The following TNNI3K variants were observed in gnomAD, a reference collection of about 807,000 sequenced individuals.
TNNI3K encodes the protein TNNI3 interacting kinase, also known as serine/threonine-protein kinase TNNI3K.
In TNNI3K, 140 loss-of-function variants were observed where a neutral mutation model predicts 114.5. The observed-to-expected ratio is 1.22, with a 90% CI of 1.07 to 1.41. The LOEUF is 1.41. Ranked by LOEUF, TNNI3K falls within the 40% of genes most tolerant of loss-of-function variation. TNNI3K has a pLI of 0.00. For synonymous variants in TNNI3K, 347 were observed against 347.5 expected, an observed-to-expected ratio of 1.00 and a Z score of 0.02; for missense variants, 1,125 against 1,007.6, an observed-to-expected ratio of 1.12 and a Z score of -1.58.
intron 20 of TNNI3K, among the ~76,000 whole-genome samples, chr1:74,456,400 A>T (rs1333911051): frequency 1.3e-5 from 2 of 152,166 alleles, no homozygotes; most frequent in Non-Finnish European, 2.9e-5. Flanking sequence ...CAAGATGAAA[A>T]ATAAGCAGGC....
chr1:74,350,081 T>A (rs1012600676), intron 9 of TNNI3K, among the ~76,000 whole-genome samples: 1 of 152,226 alleles, frequency 6.6e-6, no homozygotes, highest in African/African-American at 2.4e-5. Flanking sequence ...CAATTTTAGA[T>A]CTTTCCTGCT....
intron 2 of TNNI3K, chr1:74,239,831 T>C (rs1654075522): frequency 2.4e-6 from 1 of 421,262 alleles, no homozygotes; most frequent in South Asian, 1.8e-5. Flanking sequence ...TTATCCTGCT[T>C]ATGCCAATTT....
rs1418921063 is a variant in TNNI3K at position 74,278,157 on chromosome 1, TAG to T, written c.444+6456_444+6457del. Reference sequence around the variant, plus strand: ...TCTCTCTCTCTTATTTTTAATTTTTTAGAGAGAGGGTAGTCATGAGTTTTTTA... The same window carrying T: ...TCTCTCTCTCTTATTTTTAATTTTTTAGAGAGGGTAGTCATGAGTTTTTTA... On this transcript the variant is annotated intron_variant, in intron 5 of 24. Coordinates refer to ENST00000326637, the MANE Select transcript of TNNI3K (RefSeq NM_015978.3). 2.0e-5 allele frequency among the ~76,000 whole-genome samples: 3 copies of T among 152,192 alleles called. No homozygotes were observed. In the East Asian group the frequency reaches 5.8e-4, roughly 29 times the overall value.
chr1:74,283,514 G>A (rs1657140400), intron 5 of TNNI3K, among the ~76,000 whole-genome samples: 2 of 152,092 alleles, frequency 1.3e-5, no homozygotes, highest in Admixed American at 1.3e-4. Flanking sequence ...TTGCTTTCAG[G>A]GTGAGGTAGA....
At chr1:74,413,658 C>A (rs945436279) in intron 17 of TNNI3K, among the ~76,000 whole-genome samples, 1 of 152,138 alleles carries the variant, frequency 6.6e-6, no homozygotes, top group Non-Finnish European at 1.5e-5. Context: ...GTATAAAGAA[C>A]GTTGCATACT....
intron 5 of TNNI3K, among the ~76,000 whole-genome samples, chr1:74,320,307 A>G (rs11210449): frequency 0.59 from 90,381 of 152,000 alleles, 30,416 homozygotes; most frequent in East Asian, 0.82. Flanking sequence ...TCCATAATCC[A>G]TTTCTGTATC....
At chr1:74,372,010 T>G (rs1350377805) in intron 17 of TNNI3K, 3 of 150,754 alleles carry the variant, frequency 2.0e-5, no homozygotes, top group Non-Finnish European at 4.4e-5. Context: ...GCTCAAAGCT[T>G]GAGGATCATT....
chr1:74,458,832 C>T (rs1422312740), intron 20 of TNNI3K, among the ~76,000 whole-genome samples: 2 of 152,198 alleles, frequency 1.3e-5, no homozygotes, highest in East Asian at 3.9e-4. Flanking sequence ...TTGTGATGCT[C>T]AGGTTTGGGT....
At chr1:74,326,888 C>T (rs1420327940) in intron 5 of TNNI3K, among the ~76,000 whole-genome samples, 1 of 151,972 alleles carries the variant, frequency 6.6e-6, no homozygotes, top group Non-Finnish European at 1.5e-5. Flanking sequence ...CTAGACCATC[C>T]TTGCCAACAT....
Position 74,353,361 on chromosome 1 carries a change from G to A in TNNI3K, c.1027+1G>A, listed in dbSNP as rs1352657378. Reference sequence around the variant, plus strand: ...CACCAAGGAAGGGATGGGCACACTGGTAAGACTGTGGTGAAAACACCACTA... The same window carrying A: ...CACCAAGGAAGGGATGGGCACACTGATAAGACTGTGGTGAAAACACCACTA... On this transcript the variant is annotated splice_donor_variant, in intron 10 of 24. Coordinates refer to ENST00000326637, the MANE Select transcript of TNNI3K (RefSeq NM_015978.3). LOFTEE classifies it high-confidence loss of function. The A allele has an allele frequency of 6.2e-7, 1 of 1,613,188 alleles. No homozygotes were observed. The highest frequency in any genetic ancestry group is 8.5e-7 in the Non-Finnish European group (1 of 1,179,686).
intron 9 of TNNI3K, among the ~76,000 whole-genome samples, chr1:74,351,775 T>G (rs1661358364): frequency 6.6e-6 from 1 of 152,244 alleles, no homozygotes; most frequent in Non-Finnish European, 1.5e-5. Context: ...CTGAGGCTTG[T>G]GCATTCGTCA....
intron 17 of TNNI3K, among the ~76,000 whole-genome samples, chr1:74,414,843 G>C (rs1198277748): frequency 6.6e-6 from 1 of 152,046 alleles, no homozygotes; most frequent in Non-Finnish European, 1.5e-5. Flanking sequence ...GTAAATTCCT[G>C]ATTCATCTCT....
intron 5 of TNNI3K, among the ~76,000 whole-genome samples, chr1:74,283,168 C>T (rs1657116330): frequency 6.6e-6 from 1 of 152,124 alleles, no homozygotes; most frequent in South Asian, 2.1e-4. Context: ...ATCTAAGACT[C>T]AATTTAAGAA....
At chr1:74,242,139 G>T (rs148191577) in intron 2 of TNNI3K, among the ~76,000 whole-genome samples, 1 of 151,936 alleles carries the variant, frequency 6.6e-6, no homozygotes, top group South Asian at 2.1e-4. Flanking sequence ...ATGAGCCACC[G>T]CGCCTGACCC....
chr1:74,442,485 AT>A (rs1232460881), intron 20 of TNNI3K, among the ~76,000 whole-genome samples: 1 of 152,038 alleles, frequency 6.6e-6, no homozygotes, highest in African/African-American at 2.4e-5. Flanking sequence ...GCTTGTCTAT[AT>A]TCCTATAAAA....
chr1:74,267,171 A>G (rs2100884261), intron 4 of TNNI3K, among the ~76,000 whole-genome samples: 1 of 152,090 alleles, frequency 6.6e-6, no homozygotes, highest in South Asian at 2.1e-4. Flanking sequence ...GACATTTCTT[A>G]TATATGGTAA....
At chr1:74,505,607 A>T (rs189245555) in intron 23 of TNNI3K, among the ~76,000 whole-genome samples, 20 of 152,274 alleles carry the variant, frequency 1.3e-4, no homozygotes, top group African/African-American at 4.6e-4. Flanking sequence ...TCTAAACCTC[A>T]TATAATGCAA....
chr1:74,264,154 C>G (rs1655833043), intron 4 of TNNI3K, among the ~76,000 whole-genome samples: 1 of 151,218 alleles, frequency 6.6e-6, no homozygotes, highest in Admixed American at 6.6e-5. Flanking sequence ...TATGTTACTT[C>G]TCTTTTTTTC....
At chr1:74,316,781 C>T (rs868220889) in intron 5 of TNNI3K, among the ~76,000 whole-genome samples, 1 of 151,940 alleles carries the variant, frequency 6.6e-6, no homozygotes. Flanking sequence ...GCTCCACCTC[C>T]TGGGTTCCCG....
Sources: allele counts gnomAD v4.1 joint callset (sites outside exome capture counted in the v4.1 genomes callset), GRCh38; gene constraint gnomAD v4.1.1; transcripts MANE v1.5; gene names NCBI Gene and HGNC (gene_info 2026-07-23, HGNC 2026-07-21).